The following CEP70 variants were observed in gnomAD, a reference collection of about 807,000 sequenced individuals.
The protein encoded by CEP70 is centrosomal protein 70.
CEP70 carries 70 observed loss-of-function variants against 90.9 expected under a neutral mutation model. That is an observed-to-expected ratio of 0.77 (90% CI 0.64 to 0.94). The LOEUF (loss-of-function observed/expected upper bound fraction) is 0.94, where lower values mean the gene tolerates loss of function less well. Among genes scored for constraint, CEP70 ranks in the 40% least tolerant of loss-of-function variants. The probability of loss-of-function intolerance (pLI) is 0.00; values close to 1 mark genes in which losing one functional copy is unlikely to be tolerated. For missense variants in CEP70, 648 were observed against 669.0 expected (o/e 0.97, Z 0.35); for synonymous variants, 220 against 228.3 (o/e 0.96, Z 0.33).
At chr3:138,572,781 C>G in intron 3 of CEP70, 78 bp downstream of exon 3, 2 of 954,520 alleles carry the variant, frequency 2.1e-6, no homozygotes, top group Admixed American at 3.8e-5. Context: ...CTTTTAAAGT[C>G]AAATTTTCCT....
At chr3:138,555,307 C>T (rs998432136) in intron 6 of CEP70, among the ~76,000 whole-genome samples, 3 of 149,128 alleles carry the variant, frequency 2.0e-5, no homozygotes, top group Non-Finnish European at 3.0e-5. Context: ...AAATCTAAGA[C>T]CTAAACCATA....
chr3:138,571,973 T>C (rs2041207075), intron 3 of CEP70, among the ~76,000 whole-genome samples: 1 of 152,158 alleles, frequency 6.6e-6, no homozygotes, highest in Non-Finnish European at 1.5e-5. Context: ...AGAGATGGGG[T>C]TTCACCGTGT....
At position 138,521,539 on chromosome 3, in the gene CEP70, C is replaced by A. The variant is rs1005439506; in HGVS notation, c.944+3951G>T. Among the ~76,000 whole-genome samples, 5 of 147,878 alleles carry A rather than the reference C, an allele frequency of 3.4e-5. No homozygotes were observed. In the East Asian group the frequency reaches 1.0e-3, roughly 30 times the overall value. Reference sequence around the variant, plus strand: ...TGGGGAGCACCTATGCCCGGCCGCCCCATCTGGGATGTGAGGAGCGCCTCT... The same window carrying A: ...TGGGGAGCACCTATGCCCGGCCGCCACATCTGGGATGTGAGGAGCGCCTCT... On this transcript the variant is annotated intron_variant, in intron 11 of 17. Transcript: ENST00000264982.
intron 10 of CEP70, among the ~76,000 whole-genome samples, chr3:138,526,321 G>A (rs751904836): frequency 4.6e-5 from 7 of 151,764 alleles, no homozygotes; most frequent in East Asian, 1.9e-4. Flanking sequence ...CCACCACACC[G>A]GGCTGATTTT....
chr3:138,543,616 CCT>C (rs903092265), intron 6 of CEP70, among the ~76,000 whole-genome samples: 6 of 152,292 alleles, frequency 3.9e-5, no homozygotes, highest in Admixed American at 3.3e-4. Context: ...GTTCCTAGCC[CCT>C]GACAGCTCCA....
rs537468903 is a variant in CEP70, at chr3:138,535,097, G to T, written c.635+2081C>A. 3.0e-4 allele frequency among the ~76,000 whole-genome samples: 45 copies of T among 152,260 alleles called. No individual in the cohort carries two copies. The South Asian group carries it at 9.1e-3, about 31-fold the overall frequency. On this transcript the variant is annotated intron_variant, in intron 7 of 17. Transcript: ENST00000264982. ...CTTCGGCCAATTTAAGTCTCTCAAA[G>T]TTACAGCACACTTTCCATATTGTCA...
intron 8 of CEP70, chr3:138,530,799 T>C: frequency 1.0e-6 from 1 of 984,842 alleles, no homozygotes; most frequent in Non-Finnish European, 1.2e-6. Context: ...CTTTAGATGA[T>C]ACCTATATCC....
rs116344516 is a variant in CEP70, at chr3:138,537,139, A to T, written c.635+39T>A. 6.8e-4 allele frequency: 953 copies of T among 1,395,356 alleles called. 5 individuals are homozygous for T. The African/African-American group carries it at 0.012, about 18-fold the overall frequency. 86.4% of individuals were successfully genotyped at this position (1,395,356 alleles called of 1,614,324 possible). ...GTAAAACAAACAAACAAACACAACA[A>T]TGAATCTAGCTACATATCAATTTAT... On this transcript the variant is annotated intron_variant, in intron 7 of 17. Coordinates refer to ENST00000264982, the MANE Select transcript of CEP70 (RefSeq NM_024491.4).
At chr3:138,532,995 T>C (rs571663773) in intron 7 of CEP70, among the ~76,000 whole-genome samples, 1 of 152,004 alleles carries the variant, frequency 6.6e-6, no homozygotes, top group Admixed American at 6.6e-5. Context: ...CTACAGAAAA[T>C]AATGGGCTGG....
chr3:138,588,860 C>A (rs1220130114), intron 2 of CEP70, among the ~76,000 whole-genome samples: 1 of 152,176 alleles, frequency 6.6e-6, no homozygotes, highest in Non-Finnish European at 1.5e-5. Flanking sequence ...AACAGACACA[C>A]AAACTGTGGT....
chr3:138,499,410 G>T (rs1359671152), intron 16 of CEP70, among the ~76,000 whole-genome samples: 1 of 152,064 alleles, frequency 6.6e-6, no homozygotes, highest in East Asian at 1.9e-4. Context: ...ATTATTCAGT[G>T]GTCTATGGTA....
intron 17 of CEP70, chr3:138,497,535 T>C: frequency 3.1e-6 from 3 of 968,182 alleles, no homozygotes; most frequent in Non-Finnish European, 3.7e-6. Context: ...CTACTACTAA[T>C]GAAGCCCTCA....
chr3:138,550,584 AACT>A (rs1381232015), intron 6 of CEP70, among the ~76,000 whole-genome samples: 3 of 152,160 alleles, frequency 2.0e-5, no homozygotes, highest in African/African-American at 7.2e-5. Flanking sequence ...GCTGGTCTCA[AACT>A]CCTGACCTCA....
intron 13 of CEP70, among the ~76,000 whole-genome samples, 156 bp from the exon 14 acceptor site, chr3:138,501,037 C>T (rs995020291): frequency 1.3e-5 from 2 of 150,898 alleles, no homozygotes; most frequent in Non-Finnish European, 3.0e-5. Context: ...ATATATGTAA[C>T]CATCATTTTT....
chr3:138,519,436 G>C (rs2036384801), intron 11 of CEP70, among the ~76,000 whole-genome samples: 2 of 152,180 alleles, frequency 1.3e-5, no homozygotes, highest in South Asian at 4.1e-4. Flanking sequence ...CAGAGAGAAA[G>C]GTCGGGTTAC....
intron 2 of CEP70, among the ~76,000 whole-genome samples, chr3:138,573,380 T>TA (rs561753739): frequency 0.029 from 3,445 of 118,656 alleles, 62 homozygotes; most frequent in South Asian, 0.097. Context: ...TGGGATACAG[T>TA]AAAAAAAAAA....
rs1048715893 is a variant in CEP70, at chr3:138,494,416, A to C, written c.*599T>G. The C allele has an allele frequency of 3.9e-5, 6 of 152,250 alleles. No homozygotes were observed. Among genetic ancestry groups the C allele is most frequent in the African/African-American group, 1.4e-4 (6 of 41,466 alleles). 9.4% of individuals were successfully genotyped at this position (152,250 alleles called of 1,614,324 possible). On this transcript the variant is annotated 3_prime_UTR_variant, in exon 18 of 18. Coordinates refer to ENST00000264982, the MANE Select transcript of CEP70 (RefSeq NM_024491.4). ...AAAAAGTGCATTACATCAAGATTGC[A>C]AAAGACACTTTTTAAATGAGAGACT...
intron 2 of CEP70, among the ~76,000 whole-genome samples, chr3:138,577,210 G>A (rs1234623916): frequency 1.3e-5 from 2 of 152,138 alleles, no homozygotes; most frequent in African/African-American, 2.4e-5. Context: ...TGGGGGGATG[G>A]GGGAGGGATA....
At chr3:138,579,621 A>G (rs1402307856) in intron 2 of CEP70, among the ~76,000 whole-genome samples, 1 of 151,890 alleles carries the variant, frequency 6.6e-6, no homozygotes, top group Non-Finnish European at 1.5e-5. Context: ...TTGGCCAGAA[A>G]GGAGCCCACT....
Sources: allele counts gnomAD v4.1 joint callset (sites outside exome capture counted in the v4.1 genomes callset), GRCh38; gene constraint gnomAD v4.1.1; transcripts MANE v1.5; gene names NCBI Gene and HGNC (gene_info 2026-07-23, HGNC 2026-07-21).